EIF2B3: variants seen among roughly 807,000 people sequenced by gnomAD.
EIF2B3 encodes translation initiation factor eIF2B subunit gamma.
Under a neutral mutation model 54.1 loss-of-function variants are expected in EIF2B3, and 20 were observed. The ratio of observed to expected loss-of-function variants is 0.37; its 90% CI spans 0.26 to 0.54. EIF2B3 has a LOEUF of 0.54. Ranked by LOEUF, EIF2B3 falls within the 20% of genes least tolerant of loss-of-function variation. EIF2B3 has a pLI of 0.86. For synonymous variants in EIF2B3, 153 were observed against 188.1 expected, an observed-to-expected ratio of 0.81 and a Z score of 1.52; for missense variants, 448 against 547.8, an observed-to-expected ratio of 0.82 and a Z score of 1.82.
At position 44,879,812 on chromosome 1, in the gene EIF2B3, T is replaced by C; in HGVS notation, c.975+6A>G. On this transcript the variant is annotated splice_donor_region_variant and intron_variant, in intron 8 of 11. Transcript: ENST00000360403. ...AGCCCCATGATTTTCTAACTCATGCTCTCACCTGTCTGTTTGCTTCCATGT... is the reference window on the plus strand; with the variant it reads ...AGCCCCATGATTTTCTAACTCATGCCCTCACCTGTCTGTTTGCTTCCATGT... 6.2e-7 allele frequency: 1 copy of C among 1,613,376 alleles called. No homozygotes were observed. Among genetic ancestry groups the C allele is most frequent in the Non-Finnish European group, 8.5e-7 (1 of 1,179,956 alleles).
chr1:44,908,894 T>C (rs1398281296), intron 5 of EIF2B3, among the ~76,000 whole-genome samples: 1 of 152,114 alleles, frequency 6.6e-6, no homozygotes, highest in African/African-American at 2.4e-5. Flanking sequence ...ATGGGGTAGC[T>C]GGGGAAATCA....
At chr1:44,904,588 A>T (rs1003598668) in intron 5 of EIF2B3, among the ~76,000 whole-genome samples, 2 of 151,950 alleles carry the variant, frequency 1.3e-5, no homozygotes, top group African/African-American at 4.8e-5. Flanking sequence ...ATCTCGGCTC[A>T]CTGCAAGCTC....
At position 44,857,757 on chromosome 1, in the gene EIF2B3, C is replaced by A. The variant is rs1488491008; in HGVS notation, c.1253G>T (p.Gly418Val). ...VICNNAVIEK[G>V]ADIKDCLIGS... ...AATCAAGCAGTCCTTGATGTCTGCA[C>A]CCTTCTCGATCACAGCATTGTTGCA... The change falls in exon 11 of 12, where the codon GGT becomes GTT. Residue 418 changes from glycine to valine, a missense_variant. This residue lies in a region of EIF2B3 where 350 missense variants were observed against 414.2 expected (regional missense o/e 0.85). Transcript: ENST00000360403. The A allele has an allele frequency of 6.2e-7, 1 of 1,614,146 alleles. No homozygotes were observed. The highest frequency in any genetic ancestry group is 1.7e-5 in the Admixed American group (1 of 60,022).
chr1:44,918,021 C>T (rs1416235157), intron 5 of EIF2B3, among the ~76,000 whole-genome samples: 1 of 150,258 alleles, frequency 6.7e-6, no homozygotes, highest in Non-Finnish European at 1.5e-5. Context: ...GATCCACCCG[C>T]CTCGGCCTCC....
At chr1:44,954,604 T>C (rs1320071272) in intron 3 of EIF2B3, among the ~76,000 whole-genome samples, 4 of 152,250 alleles carry the variant, frequency 2.6e-5, no homozygotes, top group Non-Finnish European at 5.9e-5. Flanking sequence ...AAGTTGCTTA[T>C]CAGCTTAAGG....
chr1:44,911,905 G>A (rs1643524562), intron 5 of EIF2B3, among the ~76,000 whole-genome samples: 1 of 140,664 alleles, frequency 7.1e-6, no homozygotes, highest in Non-Finnish European at 1.5e-5. Context: ...CCCTTCCTGT[G>A]TCCATGTGTT....
At chr1:44,857,633 C>T (rs960555866) in intron 11 of EIF2B3, 71 bp downstream of exon 11, 18 of 1,442,220 alleles carry the variant, frequency 1.2e-5, no homozygotes, top group Non-Finnish European at 1.8e-5. Context: ...CCCACATCCT[C>T]ACCAGCCTTT....
intron 5 of EIF2B3, among the ~76,000 whole-genome samples, chr1:44,908,914 T>C (rs2148921086): frequency 6.6e-6 from 1 of 152,266 alleles, no homozygotes; most frequent in African/African-American, 2.4e-5. Flanking sequence ...AGCAGGCCCA[T>C]GTTTTGACAG....
At chr1:44,883,945 C>T (rs1655494159) in intron 6 of EIF2B3, among the ~76,000 whole-genome samples, 1 of 152,232 alleles carries the variant, frequency 6.6e-6, no homozygotes, top group Admixed American at 6.5e-5. Flanking sequence ...CTCAAGTGAT[C>T]CTCCTGCCTT....
chr1:44,920,863 A>C (rs534864627), intron 5 of EIF2B3, among the ~76,000 whole-genome samples: 1 of 152,222 alleles, frequency 6.6e-6, no homozygotes, highest in Non-Finnish European at 1.5e-5. Context: ...GAACGCAAAT[A>C]TCTCTTCAAT....
chr1:44,868,472 T>C (rs980180625), intron 10 of EIF2B3, among the ~76,000 whole-genome samples: 1 of 149,402 alleles, frequency 6.7e-6, no homozygotes, highest in East Asian at 2.0e-4. Context: ...AGTCTCTTCA[T>C]ATCAATTAGG....
intron 3 of EIF2B3, among the ~76,000 whole-genome samples, chr1:44,942,380 TATATATATATATATATATA>T (rs1644034091): frequency 1.2e-4 from 1 of 8,548 alleles, no homozygotes; most frequent in African/African-American, 7.7e-4. Context: ...TCTGATTTTA[TATATATATATATATATATA>T]TATATATATA....
chr1:44,896,737 A>G (rs1569649841), intron 6 of EIF2B3, among the ~76,000 whole-genome samples: 2 of 152,224 alleles, frequency 1.3e-5, no homozygotes, highest in East Asian at 3.8e-4. Context: ...ATCAACTGCA[A>G]AAGGGGTTTT....
chr1:44,918,072 C>CTTTT (rs3074632), intron 5 of EIF2B3, among the ~76,000 whole-genome samples: 27 of 88,626 alleles, frequency 3.0e-4, no homozygotes, highest in Non-Finnish European at 4.1e-4. Context: ...TGTGCCCAGC[C>CTTTT]TTTTTTTTTT....
intron 5 of EIF2B3, among the ~76,000 whole-genome samples, chr1:44,904,048 G>T (rs1643367233): frequency 6.6e-6 from 1 of 152,144 alleles, no homozygotes; most frequent in South Asian, 2.1e-4. Flanking sequence ...CTGCACTCCA[G>T]CCTGGGAGAC....
At chr1:44,922,668 T>C (rs925157076) in intron 5 of EIF2B3, among the ~76,000 whole-genome samples, 1 of 151,600 alleles carries the variant, frequency 6.6e-6, no homozygotes, top group African/African-American at 2.4e-5. Flanking sequence ...TTTCAATCCA[T>C]GAACATGGAA....
intron 5 of EIF2B3, among the ~76,000 whole-genome samples, chr1:44,904,392 TAAC>T (rs1458561684): frequency 2.6e-5 from 4 of 152,230 alleles, no homozygotes; most frequent in Non-Finnish European, 5.9e-5. Context: ...AAACCAGAGA[TAAC>T]AATTCAGATG....
intron 3 of EIF2B3, among the ~76,000 whole-genome samples, chr1:44,971,375 A>G (rs1197578166): frequency 6.7e-6 from 1 of 150,096 alleles, no homozygotes. Flanking sequence ...GTCTCCAGAA[A>G]AAAAAAAAAA....
intron 8 of EIF2B3, among the ~76,000 whole-genome samples, chr1:44,876,857 ATTC>A (rs1373431430): frequency 2.1e-5 from 3 of 141,488 alleles, no homozygotes; most frequent in South Asian, 2.3e-4. Context: ...ACTAAGAAAA[ATTC>A]TTCTGCCTTG....
Sources: allele counts gnomAD v4.1 joint callset (sites outside exome capture counted in the v4.1 genomes callset), GRCh38; gene constraint gnomAD v4.1.1; regional missense constraint gnomAD v4.1.1; transcripts MANE v1.5; gene names NCBI Gene and HGNC (gene_info 2026-07-23, HGNC 2026-07-21).